ADGRB3: variants seen among roughly 807,000 people sequenced by gnomAD.
The protein encoded by ADGRB3 is brain-specific angiogenesis inhibitor 3.
In ADGRB3, 37 loss-of-function variants were observed where a neutral mutation model predicts 193.4. The observed-to-expected ratio is 0.19, with a 90% CI of 0.15 to 0.25. ADGRB3 has a LOEUF of 0.25. Among genes scored for constraint, ADGRB3 ranks in the 10% least tolerant of loss-of-function variants. ADGRB3 has a pLI of 1.00. For missense variants in ADGRB3, 1,637 were observed against 1,852.9 expected (o/e 0.88, Z 2.14); for synonymous variants, 690 against 644.2 (o/e 1.07, Z -1.08).
At chr6:69,376,777 G>A (rs1412784956) in intron 30 of ADGRB3, among the ~76,000 whole-genome samples, 1 of 151,984 alleles carries the variant, frequency 6.6e-6, no homozygotes, top group Non-Finnish European at 1.5e-5. Context: ...ACTCCATTAG[G>A]CAATCTGGGT....
intron 17 of ADGRB3, among the ~76,000 whole-genome samples, chr6:69,199,121 C>A (rs1282951019): frequency 1.3e-5 from 2 of 152,110 alleles, no homozygotes; most frequent in Admixed American, 6.6e-5. Context: ...GTAAATATCT[C>A]TAGAGTGGAT....
In ADGRB3 at chr6:69,014,046, T is replaced by G; in HGVS notation, c.1938T>G (p.Phe646Leu). Residue 646 changes from phenylalanine (F) to leucine (L), a missense_variant, in exon 12 of 32, where the codon TTT (phenylalanine) becomes TTG (leucine). Physicochemically the swap from Phe to Leu is conservative, Grantham distance 22. Around this residue, in one of 7 missense-constraint regions of ADGRB3, gnomAD observed 641 missense variants for 673.9 expected, o/e 0.95. Coordinates refer to ENST00000370598, the MANE Select transcript of ADGRB3 (RefSeq NM_001704.3). ...TCTAATTTAATTTACAGAACTTCTT[T>G]CAAATAGTTAGCAACCTTCTAGATG... ...IPASDGVQNF[F>L]QIVSNLLDEE... The G allele has an allele frequency of 1.9e-6, 3 of 1,585,678 alleles. No individual in the cohort carries two copies. The highest frequency in any genetic ancestry group is 2.6e-6 in the Non-Finnish European group (3 of 1,158,910).
intron 17 of ADGRB3, among the ~76,000 whole-genome samples, chr6:69,175,509 T>C (rs1278444031): frequency 2.6e-5 from 4 of 152,198 alleles, no homozygotes; most frequent in African/African-American, 7.2e-5. Flanking sequence ...TGTCTGTTTT[T>C]GTACAAGTGC....
At chr6:68,803,119 C>A (rs1352619910) in intron 3 of ADGRB3, among the ~76,000 whole-genome samples, 1 of 152,070 alleles carries the variant, frequency 6.6e-6, no homozygotes, top group Non-Finnish European at 1.5e-5. Flanking sequence ...CATCCCTGGA[C>A]CTTTCTTTAA....
intron 17 of ADGRB3, among the ~76,000 whole-genome samples, chr6:69,141,073 G>A (rs1224648845): frequency 2.7e-5 from 4 of 146,420 alleles, no homozygotes; most frequent in African/African-American, 7.5e-5. Flanking sequence ...AAAATGAAGT[G>A]AAAGAAAGAA....
intron 17 of ADGRB3, among the ~76,000 whole-genome samples, chr6:69,189,336 T>C (rs958293480): frequency 7.2e-5 from 11 of 152,218 alleles, no homozygotes; most frequent in African/African-American, 2.7e-4. Flanking sequence ...TATATTTTGA[T>C]GTTTGCATTT....
At chr6:69,199,014 A>G (rs1002063039) in intron 17 of ADGRB3, among the ~76,000 whole-genome samples, 29 of 152,116 alleles carry the variant, frequency 1.9e-4, no homozygotes, top group Admixed American at 1.6e-3. Flanking sequence ...ATGCAGGTCC[A>G]TTACCTGGTT....
chr6:69,057,543 A>G (rs890942817), intron 15 of ADGRB3, among the ~76,000 whole-genome samples: 1 of 147,214 alleles, frequency 6.8e-6, no homozygotes, highest in African/African-American at 2.5e-5. Context: ...TTGTTTTACC[A>G]TAAAGTGTGA....
intron 3 of ADGRB3, among the ~76,000 whole-genome samples, chr6:68,646,173 A>G (rs1180682685): frequency 6.6e-6 from 1 of 152,126 alleles, no homozygotes; most frequent in East Asian, 1.9e-4. Flanking sequence ...GAAAAAGTTA[A>G]CATTGAAAAT....
intron 3 of ADGRB3, among the ~76,000 whole-genome samples, chr6:68,736,861 T>A (rs924843304): frequency 7.2e-5 from 11 of 152,080 alleles, no homozygotes; most frequent in African/African-American, 2.7e-4. Flanking sequence ...CAACTATTAG[T>A]CACTACTAAT....
intron 3 of ADGRB3, among the ~76,000 whole-genome samples, chr6:68,813,961 G>A (rs1767572863): frequency 1.3e-5 from 2 of 152,190 alleles, no homozygotes; most frequent in Admixed American, 6.5e-5. Context: ...TATCATTGTT[G>A]GACATTTGGG....
At chr6:69,105,747 C>T (rs1425632084) in intron 17 of ADGRB3, among the ~76,000 whole-genome samples, 1 of 152,164 alleles carries the variant, frequency 6.6e-6, no homozygotes, top group Non-Finnish European at 1.5e-5. Flanking sequence ...GATGGAGTAG[C>T]ATGCCCAAGG....
chr6:69,158,396 A>C (rs772010862), intron 17 of ADGRB3, among the ~76,000 whole-genome samples: 6 of 150,596 alleles, frequency 4.0e-5, no homozygotes, highest in Non-Finnish European at 8.9e-5. Context: ...CACATATTAC[A>C]TTAAGTATTA....
intron 3 of ADGRB3, among the ~76,000 whole-genome samples, chr6:68,726,943 G>A (rs940947248): frequency 2.0e-5 from 3 of 151,436 alleles, no homozygotes; most frequent in African/African-American, 7.3e-5. Flanking sequence ...AATCAATGTT[G>A]GAAACTAAGA....
At chr6:69,060,220 T>TCTCTCTCTCTCTC (rs1771697794) in intron 15 of ADGRB3, among the ~76,000 whole-genome samples, 24 of 129,632 alleles carry the variant, frequency 1.9e-4, no homozygotes, top group African/African-American at 4.0e-4. Flanking sequence ...CTCTCTCTCT[T>TCTCTCTCTCTCTC]TCTCTCTCTC....
At chr6:68,969,453 T>C (rs1768491831) in intron 8 of ADGRB3, among the ~76,000 whole-genome samples, 1 of 152,162 alleles carries the variant, frequency 6.6e-6, no homozygotes, top group Non-Finnish European at 1.5e-5. Context: ...CTACAGCCCT[T>C]ATGAGCAGGG....
intron 3 of ADGRB3, among the ~76,000 whole-genome samples, chr6:68,858,592 C>A (rs373025173): frequency 5.0e-3 from 469 of 93,150 alleles, no homozygotes; most frequent in East Asian, 0.013. Context: ...GACCCTGACT[C>A]AAAAAAAAAA....
chr6:68,817,303 CCATGTATATATA>C (rs1204635524), intron 3 of ADGRB3, among the ~76,000 whole-genome samples: 36 of 32,770 alleles, frequency 1.1e-3, no homozygotes, highest in Non-Finnish European at 2.1e-3. Flanking sequence ...TCCCTTTTGT[CCATGTATATATA>C]TATATATATA....
intron 3 of ADGRB3, among the ~76,000 whole-genome samples, chr6:68,715,049 A>G (rs1454093890): frequency 6.6e-6 from 1 of 151,868 alleles, no homozygotes; most frequent in Non-Finnish European, 1.5e-5. Flanking sequence ...TGCATTAAAA[A>G]TAGCTTTGAT....
Sources: gnomAD v4.1 joint callset for allele counts (sites outside exome capture counted in the v4.1 genomes callset) on GRCh38, gnomAD v4.1.1 for gene constraint, gnomAD v4.1.1 regional missense constraint, MANE v1.5 for transcripts, NCBI Gene and HGNC (gene_info 2026-07-23, HGNC 2026-07-21) for gene names.